CFAP77: variants seen among roughly 807,000 people sequenced by gnomAD.
CFAP77 encodes cilia- and flagella-associated protein 77.
Under a neutral mutation model 31.1 loss-of-function variants are expected in CFAP77, and 25 were observed. The observed-to-expected ratio is 0.80, with a 90% confidence interval of 0.59 to 1.12. The LOEUF (loss-of-function observed/expected upper bound fraction) is 1.12, where lower values mean the gene tolerates loss of function less well. CFAP77 is among the 50% of genes most tolerant of loss of function. CFAP77 has a pLI of 0.00. For synonymous variants in CFAP77, 151 were observed against 159.9 expected (o/e 0.94, Z 0.42); for missense variants, 377 against 397.3 (o/e 0.95, Z 0.44).
chr9:132,504,810 A>AT (rs1851906593), intron 3 of CFAP77, among the ~76,000 whole-genome samples: 1 of 152,146 alleles, frequency 6.6e-6, no homozygotes, highest in Non-Finnish European at 1.5e-5. Flanking sequence ...ACCTTGCAGC[A>AT]TAAGTGCGGA....
At chr9:132,553,287 C>T (rs975456187) in intron 5 of CFAP77, among the ~76,000 whole-genome samples, 1 of 152,180 alleles carries the variant, frequency 6.6e-6, no homozygotes, top group African/African-American at 2.4e-5. Context: ...TGCCATCACA[C>T]TGGGGGTCAG....
intron 1 of CFAP77, among the ~76,000 whole-genome samples, chr9:132,485,982 CCT>C (rs1353511392): frequency 3.4e-5 from 3 of 89,404 alleles, no homozygotes; most frequent in African/African-American, 8.9e-5. Flanking sequence ...AGAACACACA[CCT>C]CATATATATA....
chr9:132,552,246 A>G lies in CFAP77; in HGVS notation c.732+9199A>G, dbSNP rs1743141474. 1.3e-5 allele frequency among the ~76,000 whole-genome samples: 2 copies of G among 152,308 alleles called. No homozygotes were observed. Among genetic ancestry groups the G allele is most frequent in the Admixed American group, 1.3e-4 (2 of 15,308 alleles). ...ATGGCAACAGAGAGGACCAAGTGCA[A>G]TCATGCGTGTGAAGCGCGTGGCACA... On this transcript the variant is annotated intron_variant, in intron 5 of 5. Transcript: ENST00000393216. The surrounding 1 kb of genome is among the most constrained non-coding windows in gnomAD (Gnocchi z 5.5).
chr9:132,505,095 C>T (rs145373615), intron 3 of CFAP77, among the ~76,000 whole-genome samples: 7 of 152,340 alleles, frequency 4.6e-5, no homozygotes, highest in African/African-American at 1.4e-4. Context: ...TAAAGTCCCA[C>T]CTCAGACTGA....
chr9:132,476,949 G>A (rs988969359), intron 1 of CFAP77, among the ~76,000 whole-genome samples: 2 of 152,198 alleles, frequency 1.3e-5, no homozygotes, highest in Non-Finnish European at 2.9e-5. Flanking sequence ...ACAAGAAACG[G>A]ATACAGAGGC....
intron 1 of CFAP77, among the ~76,000 whole-genome samples, chr9:132,464,825 C>T (rs1284175291): frequency 6.6e-6 from 1 of 152,104 alleles, no homozygotes; most frequent in Non-Finnish European, 1.5e-5. Flanking sequence ...GGCGCAGTGG[C>T]TCATGCCTGT....
In CFAP77 at chr9:132,564,517, G is replaced by C. The variant is rs568835014; in HGVS notation, c.733-7871G>C. ...AAAGGAGAAATCCAAACAGAAATTA[G>C]ATAGAAATTAGATTAAAAGAGAACT... is the stretch of plus-strand genomic sequence containing the variant. On this transcript the variant is annotated intron_variant, in intron 5 of 5. Transcript: ENST00000393216. This position sits in a 1 kb window ranked among gnomAD's most constrained non-coding sequence, Gnocchi z 4.6. Among the ~76,000 whole-genome samples the C allele has an allele frequency of 1.2e-4, 18 of 152,230 alleles. No individual in the cohort carries two copies. Among genetic ancestry groups the C allele is most frequent in the African/African-American group, 4.1e-4 (17 of 41,524 alleles).
intron 1 of CFAP77, among the ~76,000 whole-genome samples, chr9:132,456,609 C>T (rs72765880): frequency 0.063 from 9,605 of 152,134 alleles, 339 homozygotes; most frequent in Middle Eastern, 0.1. Context: ...ATAGCCTGGC[C>T]CCACTCAGCT....
intron 1 of CFAP77, among the ~76,000 whole-genome samples, chr9:132,454,393 T>C (rs1279651789): frequency 2.0e-5 from 3 of 152,226 alleles, no homozygotes; most frequent in Non-Finnish European, 1.5e-5. Flanking sequence ...TCGATTTCTT[T>C]GAACTTTTAG....
intron 3 of CFAP77, among the ~76,000 whole-genome samples, chr9:132,519,468 A>G (rs1342617891): frequency 5.8e-3 from 12 of 2,070 alleles, no homozygotes; most frequent in East Asian, 0.034. Context: ...GGGTGGGTAG[A>G]TGGATGGATG....
Position 132,501,976 on chromosome 9 carries a change from A to G in CFAP77, c.524+2376A>G, listed in dbSNP as rs1851853695. ...ACTTCCCAGCCCTTTCTACCTCACT[A>G]CACAAGCTGGTCATTAGCACAAAAA... On this transcript the variant is annotated intron_variant, in intron 3 of 5. Transcript: ENST00000393216. The surrounding 1 kb of genome is among the most constrained non-coding windows in gnomAD (Gnocchi z 4.6). 6.6e-6 allele frequency among the ~76,000 whole-genome samples: 1 copy of G among 152,210 alleles called. No homozygotes were observed. The highest frequency in any genetic ancestry group is 2.4e-5 in the African/African-American group (1 of 41,458).
intron 1 of CFAP77, among the ~76,000 whole-genome samples, chr9:132,456,262 G>A (rs886785597): frequency 1.3e-5 from 2 of 152,160 alleles, no homozygotes; most frequent in African/African-American, 4.8e-5. Context: ...CTGAGGAGGG[G>A]CTCTGTCCAC....
rs779103201 is a variant in CFAP77 at position 132,410,333 on chromosome 9, T to C, written c.62T>C (p.Val21Ala). Residue 21 changes from valine (V) to alanine (A), a missense_variant, in exon 1 of 6, where the codon GTG (valine) becomes GCG (alanine). Val to Ala is a moderately conservative substitution (Grantham distance 64). Coordinates refer to ENST00000393216, the MANE Select transcript of CFAP77 (RefSeq NM_001282957.2). ...CGATGGAGGAAGCAGCAGCAGCCTG[T>C]GCGCCGCACGGTCAGCCAGGTCTGC... ...LTRWRKQQQP[V>A]RRTVSQVCPP... 1.3e-6 allele frequency: 2 copies of C among 1,598,278 alleles called. No homozygotes were observed. The highest frequency in any genetic ancestry group is 4.6e-5 in the East Asian group (2 of 43,558).
intron 1 of CFAP77, among the ~76,000 whole-genome samples, chr9:132,430,044 G>A (rs1850385608): frequency 3.9e-5 from 6 of 151,958 alleles, no homozygotes. Context: ...GGTACATGGG[G>A]TCTGCACTTG....
intron 1 of CFAP77, among the ~76,000 whole-genome samples, chr9:132,432,273 T>C (rs1368057111): frequency 6.6e-6 from 1 of 151,936 alleles, no homozygotes; most frequent in Non-Finnish European, 1.5e-5. Flanking sequence ...GTGGAAGAAA[T>C]GTGTCGTTTC....
intron 3 of CFAP77, among the ~76,000 whole-genome samples, chr9:132,504,133 A>C (rs787904): frequency 0.39 from 59,139 of 152,104 alleles, 12,008 homozygotes; most frequent in African/African-American, 0.5. Flanking sequence ...GAAAGAAGTT[A>C]AGAGAGGTGA....
chr9:132,517,256 G>A lies in CFAP77; in HGVS notation c.524+17656G>A, dbSNP rs1347635494. On this transcript the variant is annotated intron_variant, in intron 3 of 5. Coordinates refer to ENST00000393216, the MANE Select transcript of CFAP77 (RefSeq NM_001282957.2). The surrounding 1 kb of genome is among the most constrained non-coding windows in gnomAD (Gnocchi z 4.7). ...CCTCCGTCCCTTCTCAGCTGCGAGG[G>A]TGCCAGCAACTCCCCGGCCCCCGGG... is the stretch of plus-strand genomic sequence containing the variant. 1.3e-5 allele frequency among the ~76,000 whole-genome samples: 2 copies of A among 152,164 alleles called. No homozygotes were observed. Among genetic ancestry groups the A allele is most frequent in the Non-Finnish European group, 2.9e-5 (2 of 68,030 alleles).
intron 5 of CFAP77, among the ~76,000 whole-genome samples, chr9:132,551,634 C>T (rs1023316051): frequency 6.6e-6 from 1 of 152,188 alleles, no homozygotes; most frequent in African/African-American, 2.4e-5. Flanking sequence ...CATTTCATGT[C>T]AATAACTCTC....
intron 3 of CFAP77, among the ~76,000 whole-genome samples, chr9:132,536,232 T>A (rs929895957): frequency 2.0e-5 from 3 of 151,914 alleles, no homozygotes; most frequent in Non-Finnish European, 4.4e-5. Flanking sequence ...ACATTCTGGG[T>A]TGGCTGTTTC....
Sources: gnomAD v4.1 joint callset for allele counts (sites outside exome capture counted in the v4.1 genomes callset) on GRCh38, gnomAD v4.1.1 for gene constraint, Gnocchi (gnomAD v3.1) non-coding constraint, MANE v1.5 for transcripts, NCBI Gene and HGNC (gene_info 2026-07-23, HGNC 2026-07-21) for gene names.